The following HTR2C variants were observed in gnomAD, a reference collection of about 807,000 sequenced individuals.
HTR2C encodes the protein 5-hydroxytryptamine receptor 2C, also known as 5-hydroxytryptamine (serotonin) receptor 2C, G protein-coupled.
A neutral mutation model predicts 21.0 loss-of-function variants in HTR2C; 5 were observed. The ratio of observed to expected loss-of-function variants is 0.24; its 90% CI spans 0.12 to 0.50. The LOEUF is 0.50. Among genes scored for constraint, HTR2C ranks in the 20% least tolerant of loss-of-function variants. HTR2C has a pLI of 0.98. For synonymous variants in HTR2C, 150 were observed against 145.3 expected (o/e 1.03, Z -0.23); for missense variants, 271 against 371.2 (o/e 0.73, Z 2.22).
rs182148542 is a variant in HTR2C at position 114,798,280 on chromosome X, C to G, written c.350-49723C>G. On this transcript the variant is annotated intron_variant, in intron 4 of 5. Coordinates refer to ENST00000276198, the MANE Select transcript of HTR2C (RefSeq NM_000868.4). Reference sequence around the variant, plus strand: ...GACACAGAGCTAAGTATTATGAAAGCCAGGAGTGGAGTCCATATCCAGGGT... The same window carrying G: ...GACACAGAGCTAAGTATTATGAAAGGCAGGAGTGGAGTCCATATCCAGGGT... Among the ~76,000 whole-genome samples, 324 of 110,703 alleles carry G rather than the reference C, an allele frequency of 2.9e-3. 1 individual carries two copies. The highest frequency in any genetic ancestry group is 5.0e-3 in the Non-Finnish European group (262 of 52,714).
intron 4 of HTR2C, among the ~76,000 whole-genome samples, chrX:114,805,337 T>C (rs1341292247): frequency 9.3e-6 from 1 of 107,878 alleles, no homozygotes; most frequent in African/African-American, 3.4e-5. Context: ...TCACCAGAAC[T>C]GAGGCCCTTC....
intron 2 of HTR2C, among the ~76,000 whole-genome samples, chrX:114,701,617 A>G (rs1932505360): frequency 8.9e-6 from 1 of 111,806 alleles, no homozygotes; most frequent in African/African-American, 3.3e-5. Context: ...GGGAAAAAAC[A>G]GAGCAGAAAA....
chrX:114,622,176 A>G (rs1460253694), intron 2 of HTR2C, among the ~76,000 whole-genome samples: 6 of 111,937 alleles, frequency 5.4e-5, no homozygotes, highest in Admixed American at 4.8e-4. Flanking sequence ...TACAGAGCAC[A>G]CAGCAGATTA....
chrX:114,638,330 ATGTC>A (rs1929933942), intron 2 of HTR2C, among the ~76,000 whole-genome samples: 1 of 111,073 alleles, frequency 9.0e-6, no homozygotes, highest in Non-Finnish European at 1.9e-5. Flanking sequence ...GAATTTAACA[ATGTC>A]TGTCACTGTC....
intron 4 of HTR2C, among the ~76,000 whole-genome samples, chrX:114,806,795 CAT>C (rs1214388890): frequency 1.1e-5 from 1 of 91,943 alleles, no homozygotes; most frequent in Non-Finnish European, 2.1e-5. Flanking sequence ...ATATATATAC[CAT>C]ATATATACAC....
At chrX:114,852,337 C>G (rs1436809395) in intron 5 of HTR2C, among the ~76,000 whole-genome samples, 1 of 109,088 alleles carries the variant, frequency 9.2e-6, no homozygotes, top group African/African-American at 3.3e-5. Context: ...ATAAAATACT[C>G]AGAGAAGAGT....
chrX:114,808,554 A>T (rs1272477852), intron 4 of HTR2C, among the ~76,000 whole-genome samples: 3 of 111,421 alleles, frequency 2.7e-5, no homozygotes, highest in Non-Finnish European at 3.8e-5. Flanking sequence ...TTGTTCCCAT[A>T]GTGGTTATAT....
chrX:114,810,175 C>T (rs968169932), intron 4 of HTR2C, among the ~76,000 whole-genome samples: 6 of 111,476 alleles, frequency 5.4e-5, no homozygotes, highest in Non-Finnish European at 1.1e-4. Flanking sequence ...TCAATCCTCT[C>T]CCCTTTTCTC....
intron 2 of HTR2C, among the ~76,000 whole-genome samples, chrX:114,697,913 C>A (rs782413026): frequency 1.3e-4 from 15 of 112,287 alleles, no homozygotes; most frequent in Non-Finnish European, 2.6e-4. Flanking sequence ...TAATGTCTCA[C>A]AAGGATGAAG....
chrX:114,606,327 C>T (rs1928427706), intron 1 of HTR2C, among the ~76,000 whole-genome samples: 1 of 111,017 alleles, frequency 9.0e-6, no homozygotes, highest in Non-Finnish European at 1.9e-5. Flanking sequence ...CTACTTGCCC[C>T]TTCCCCAGAA....
intron 5 of HTR2C, among the ~76,000 whole-genome samples, chrX:114,858,095 T>C (rs1556471650): frequency 9.0e-6 from 1 of 111,371 alleles, no homozygotes; most frequent in East Asian, 2.8e-4. Context: ...TACAATGTCC[T>C]AATTACTATA....
intron 4 of HTR2C, among the ~76,000 whole-genome samples, chrX:114,833,349 A>G (rs1602855183): frequency 9.4e-6 from 1 of 106,431 alleles, no homozygotes; most frequent in African/African-American, 3.4e-5. Context: ...TTTGGTTGGT[A>G]AACTATTGAT....
At chrX:114,748,456 C>G (rs1415742188) in intron 4 of HTR2C, among the ~76,000 whole-genome samples, 1 of 111,147 alleles carries the variant, frequency 9.0e-6, no homozygotes, top group Non-Finnish European at 1.9e-5. Flanking sequence ...ATAGCTGAAA[C>G]AGTTTTGAAA....
intron 2 of HTR2C, among the ~76,000 whole-genome samples, chrX:114,706,554 C>G (rs1157338928): frequency 7.3e-5 from 5 of 68,609 alleles, no homozygotes; most frequent in African/African-American, 3.0e-4. Context: ...ACTCTGGGGA[C>G]TGTGGTGGGG....
chrX:114,813,870 C>A (rs782455182), intron 4 of HTR2C, among the ~76,000 whole-genome samples: 1 of 111,097 alleles, frequency 9.0e-6, no homozygotes, highest in African/African-American at 3.3e-5. Flanking sequence ...AGTACAAGGG[C>A]AGATTGTAAT....
chrX:114,840,493 A>G (rs2070824548), intron 4 of HTR2C, among the ~76,000 whole-genome samples: 2 of 111,491 alleles, frequency 1.8e-5, no homozygotes, highest in South Asian at 7.5e-4. Context: ...AGCGAAACAC[A>G]TTGAGAAAAA....
intron 1 of HTR2C, among the ~76,000 whole-genome samples, chrX:114,596,046 C>T (rs1296906428): frequency 8.9e-6 from 1 of 111,894 alleles, no homozygotes; most frequent in African/African-American, 3.2e-5. Flanking sequence ...AGGGTACCTT[C>T]TGCATTTAAA....
At chrX:114,716,378 A>T (rs1228385553) in intron 2 of HTR2C, among the ~76,000 whole-genome samples, 3 of 112,508 alleles carry the variant, frequency 2.7e-5, no homozygotes, top group African/African-American at 9.6e-5. Flanking sequence ...GAATTCGCAC[A>T]TAATTTAACA....
chrX:114,901,725 T>C (rs2071338484), intron 5 of HTR2C, among the ~76,000 whole-genome samples: 1 of 111,739 alleles, frequency 8.9e-6, no homozygotes, highest in Non-Finnish European at 1.9e-5. Context: ...AGTTTATTAG[T>C]TGAAGAAGTA....
Sources: gnomAD v4.1 joint callset for allele counts (sites outside exome capture counted in the v4.1 genomes callset) on GRCh38, gnomAD v4.1.1 for gene constraint, MANE v1.5 for transcripts, NCBI Gene and HGNC (gene_info 2026-07-23, HGNC 2026-07-21) for gene names.